ZFYVE26: variants seen among roughly 807,000 people sequenced by gnomAD.
The protein encoded by ZFYVE26 is zinc finger FYVE domain-containing protein 26.
Under a neutral mutation model 276.5 loss-of-function variants are expected in ZFYVE26, and 181 were observed. The observed-to-expected ratio is 0.65, with a 90% CI of 0.58 to 0.74. The LOEUF (loss-of-function observed/expected upper bound fraction) is 0.74, where lower values mean the gene tolerates loss of function less well. ZFYVE26 is among the 30% of genes least tolerant of loss of function. The pLI, the probability that ZFYVE26 is intolerant of heterozygous loss-of-function variation, is 0.00. For synonymous variants in ZFYVE26, 1,129 were observed against 1,203.1 expected (o/e 0.94, Z 1.27); for missense variants, 2,821 against 3,097.9 (o/e 0.91, Z 2.12).
chr14:67,790,912 G>T, intron 14 of ZFYVE26, 139 bp from the exon 15 acceptor site: 1 of 773,450 alleles, frequency 1.3e-6, no homozygotes, highest in Non-Finnish European at 2.2e-6. Flanking sequence ...AGCACTGAAT[G>T]TTAGAAGAGC....
rs147073928 is a variant in ZFYVE26, at chr14:67,795,809, G to A, written c.2333-1570C>T. On this transcript the variant is annotated intron_variant, in intron 12 of 41. Transcript: ENST00000347230. Reference sequence around the variant, plus strand: ...ATGATGAGAAAATATTTTCTGTAATGTATAAAGAGCTTTCTAAAATTGAAG... The same window carrying A: ...ATGATGAGAAAATATTTTCTGTAATATATAAAGAGCTTTCTAAAATTGAAG... Among the ~76,000 whole-genome samples the A allele has an allele frequency of 5.2e-3, 785 of 152,252 alleles. 9 individuals are homozygous for A. The highest frequency in any genetic ancestry group is 5.3e-3 in the Non-Finnish European group (360 of 68,006).
At chr14:67,770,971 TTA>T (rs752153783) in intron 28 of ZFYVE26, among the ~76,000 whole-genome samples, 1 of 144,608 alleles carries the variant, frequency 6.9e-6, no homozygotes, top group African/African-American at 2.5e-5. Flanking sequence ...TTTTTTTTTT[TTA>T]AATCAACTTT....
At chr14:67,754,837 T>C (rs1197146308) in intron 37 of ZFYVE26, among the ~76,000 whole-genome samples, 2 of 152,118 alleles carry the variant, frequency 1.3e-5, no homozygotes, top group Non-Finnish European at 2.9e-5. Context: ...AGTCTGATTG[T>C]AGCCTGTGAT....
Position 67,762,757 on chromosome 14 carries a change from G to A in ZFYVE26, c.6074C>T (p.Ser2025Phe). The change falls in exon 33 of 42, where the codon TCT becomes TTT. Residue 2025 changes from serine to phenylalanine, a missense_variant. Coordinates refer to ENST00000347230, the MANE Select transcript of ZFYVE26 (RefSeq NM_015346.4). The stretch of plus-strand genomic sequence containing the variant: ...AGCTGGCTGCAAGATCTGATCCAAA[G>A]ATGGCACGTGGCGATAGGCAGCAGC... ...LVAAAYRHVP[S>F]LDQILQPAAV... 2 of 1,614,236 alleles carry A rather than the reference G, an allele frequency of 1.2e-6. No homozygotes were observed. Among genetic ancestry groups the A allele is most frequent in the Non-Finnish European group, 8.5e-7 (1 of 1,180,054 alleles).
At chr14:67,751,607 C>G in intron 40 of ZFYVE26, 2 of 209,374 alleles carry the variant, frequency 9.6e-6, no homozygotes, top group East Asian at 2.5e-4. Context: ...GGTGCAGTGG[C>G]TCACGCCTGT....
At chr14:67,806,706 AC>A in intron 5 of ZFYVE26, 31 bp from the exon 6 acceptor site, 1 of 1,613,782 alleles carries the variant, frequency 6.2e-7, no homozygotes, top group African/African-American at 1.3e-5. Flanking sequence ...TTATCAGGAA[AC>A]CAAGAACTCT....
At chr14:67,746,152 T>C (rs1481920190), downstream of ZFYVE26, among the ~76,000 whole-genome samples, 1 of 152,074 alleles carries the variant, frequency 6.6e-6, no homozygotes, top group Non-Finnish European at 1.5e-5. Context: ...ACTTTAGTCA[T>C]TTGCTCTGGA....
Position 67,783,079 on chromosome 14 carries a change from C to T in ZFYVE26, c.4073G>A (p.Arg1358His), listed in dbSNP as rs138424288. The T allele has an allele frequency of 4.7e-5, 76 of 1,613,650 alleles. No individual in the cohort carries two copies. The highest frequency in any genetic ancestry group is 5.7e-5 in the Non-Finnish European group (67 of 1,179,728). The change falls in exon 21 of 42, where the codon CGC (arginine) becomes CAC (histidine). Residue 1358 changes from arginine (R) to histidine (H), a missense_variant. Physicochemically the swap from Arg to His is conservative, Grantham distance 29. Transcript: ENST00000347230. Reference protein sequence around the residue: ...AAEQVARECERLLEQFPLFEA... With the variant: ...AAEQVARECEHLLEQFPLFEA... ...AAACAGAGGGAATTGTTCCAGAAGG[C>T]GCTCACACTCCCGGGCTACCTGCTC... is the stretch of plus-strand genomic sequence containing the variant.
chr14:67,784,453 C>T lies in ZFYVE26; in HGVS notation c.3524-17G>A, dbSNP rs2039596506. ...CCACATGATCTGCAAAGGTAAAGAA[C>T]ATGATCTTTGTTTGCACCACTGACT... On this transcript the variant is annotated splice_polypyrimidine_tract_variant and intron_variant, in intron 19 of 41. Transcript: ENST00000347230. 2 of 1,610,452 alleles carry T rather than the reference C, an allele frequency of 1.2e-6. No homozygotes were observed. Among genetic ancestry groups the T allele is most frequent in the East Asian group, 2.2e-5 (1 of 44,888 alleles).
chr14:67,734,847 G>C (rs1225399441), intron 13 of ZFYVE26, among the ~76,000 whole-genome samples: 2 of 152,164 alleles, frequency 1.3e-5, no homozygotes, highest in East Asian at 3.8e-4. Flanking sequence ...CCTGAAGGAG[G>C]CTCCACTTGC....
chr14:67,809,133 T>G, intron 4 of ZFYVE26, 67 bp downstream of exon 4: 1 of 1,364,066 alleles, frequency 7.3e-7, no homozygotes, highest in Non-Finnish European at 1.0e-6. Flanking sequence ...CTCTTCTGGG[T>G]CCATGGAAGC....
intron 26 of ZFYVE26, 40 bp from the exon 27 acceptor site, chr14:67,775,154 A>C: frequency 1.4e-6 from 2 of 1,433,464 alleles, no homozygotes; most frequent in Non-Finnish European, 1.9e-6. Flanking sequence ...TGGTTCTACC[A>C]TAAGTATCTT....
intron 13 of ZFYVE26, among the ~76,000 whole-genome samples, chr14:67,731,847 C>T (rs538489018): frequency 6.3e-4 from 96 of 151,914 alleles, no homozygotes; most frequent in African/African-American, 2.3e-3. Context: ...AAAAATTTTG[C>T]CAGGTGCAGT....
At chr14:67,800,048 G>T (rs1389453704) in intron 10 of ZFYVE26, among the ~76,000 whole-genome samples, 6 of 152,120 alleles carry the variant, frequency 3.9e-5, no homozygotes, top group African/African-American at 7.2e-5. Flanking sequence ...TTTACATTTG[G>T]TCTTAATGAT....
chr14:67,816,311 T>C (rs759232161), intron 1 of ZFYVE26, among the ~76,000 whole-genome samples: 2 of 151,944 alleles, frequency 1.3e-5, no homozygotes, highest in Non-Finnish European at 2.9e-5. Context: ...TACTGAACGT[T>C]ATGCCCAGTC....
chr14:67,805,385 A>G (rs547681138), intron 7 of ZFYVE26, 69 bp downstream of exon 7: 49 of 1,613,264 alleles, frequency 3.0e-5, no homozygotes, highest in Non-Finnish European at 3.9e-5. Flanking sequence ...AGGGCTCTGC[A>G]TTCAGCCTAA....
chr14:67,774,409 G>A (rs560032772), intron 27 of ZFYVE26, among the ~76,000 whole-genome samples: 3 of 152,158 alleles, frequency 2.0e-5, no homozygotes, highest in Non-Finnish European at 4.4e-5. Context: ...TTAGGCAGAA[G>A]AATTGCTTGA....
intron 39 of ZFYVE26, among the ~76,000 whole-genome samples, chr14:67,753,268 C>T (rs2140182143): frequency 6.6e-6 from 1 of 152,310 alleles, no homozygotes; most frequent in African/African-American, 2.4e-5. Flanking sequence ...GCCCCTGCTC[C>T]AGTGCCACAG....
chr14:67,810,811 A>C (rs953604330), intron 3 of ZFYVE26, among the ~76,000 whole-genome samples: 2 of 152,184 alleles, frequency 1.3e-5, no homozygotes, highest in Non-Finnish European at 2.9e-5. Context: ...CCTCTGGTTA[A>C]AGCTTCCCAA....
Sources: gnomAD v4.1 joint callset for allele counts (sites outside exome capture counted in the v4.1 genomes callset) on GRCh38, gnomAD v4.1.1 for gene constraint, MANE v1.5 for transcripts, NCBI Gene and HGNC (gene_info 2026-07-23, HGNC 2026-07-21) for gene names.